The following COL25A1 variants were observed in gnomAD, a reference collection of about 807,000 sequenced individuals.
COL25A1 encodes collagen alpha-1(XXV) chain.
COL25A1 carries 103 observed loss-of-function variants against 128.4 expected under a neutral mutation model. The ratio of observed to expected loss-of-function variants is 0.80; its 90% confidence interval spans 0.68 to 0.94. The LOEUF (loss-of-function observed/expected upper bound fraction) is 0.94, where lower values mean the gene tolerates loss of function less well. Among genes scored for constraint, COL25A1 ranks in the 40% least tolerant of loss-of-function variants. COL25A1 has a pLI of 0.00. For synonymous variants in COL25A1, 279 were observed against 277.2 expected (o/e 1.01, Z -0.06); for missense variants, 745 against 840.0 (o/e 0.89, Z 1.40).
rs1472339842 is a variant in COL25A1, at chr4:109,291,125, T to G, written c.367+9458A>C. 3.9e-5 allele frequency among the ~76,000 whole-genome samples: 6 copies of G among 152,154 alleles called. No homozygotes were observed. In the South Asian group the frequency reaches 1.2e-3, roughly 31 times the overall value. ...CCTACCAGACAAGTGACGAAGGTGCTTCACTTAGCCAAACAACTGTCCACA... is the reference window on the plus strand; with the variant it reads ...CCTACCAGACAAGTGACGAAGGTGCGTCACTTAGCCAAACAACTGTCCACA... On this transcript the variant is annotated intron_variant, in intron 3 of 37. Transcript: ENST00000399132.
At chr4:109,167,893 C>G (rs1305245445) in intron 3 of COL25A1, among the ~76,000 whole-genome samples, 1 of 152,004 alleles carries the variant, frequency 6.6e-6, no homozygotes, top group Non-Finnish European at 1.5e-5. Context: ...GGAGGTGGGC[C>G]AATTAATGAT....
chr4:109,044,915 T>A (rs1760285507), intron 5 of COL25A1, among the ~76,000 whole-genome samples: 1 of 152,206 alleles, frequency 6.6e-6, no homozygotes, highest in Non-Finnish European at 1.5e-5. Context: ...AAGGAAAATA[T>A]ATACAGTTGA....
At chr4:108,978,630 T>C (rs866277376) in intron 6 of COL25A1, among the ~76,000 whole-genome samples, 12 of 152,336 alleles carry the variant, frequency 7.9e-5, no homozygotes, top group South Asian at 6.2e-4. Flanking sequence ...GAATTACAAA[T>C]TATTTTTCAA....
intron 5 of COL25A1, among the ~76,000 whole-genome samples, chr4:109,036,196 G>C (rs1220188806): frequency 2.6e-5 from 4 of 151,856 alleles, no homozygotes; most frequent in Non-Finnish European, 5.9e-5. Context: ...CAAAGTGCTG[G>C]GATTACAGGC....
At chr4:109,203,292 G>C (rs1241203869) in intron 3 of COL25A1, among the ~76,000 whole-genome samples, 1 of 152,114 alleles carries the variant, frequency 6.6e-6, no homozygotes, top group African/African-American at 2.4e-5. Flanking sequence ...AAACTAGAAT[G>C]ATTTCCAAAG....
rs115420725 is a variant in COL25A1, at chr4:108,918,834, T to G, written c.736-618A>C. Among the ~76,000 whole-genome samples, 266 of 152,302 alleles carry G rather than the reference T, an allele frequency of 1.7e-3. 2 individuals carry two copies. Among genetic ancestry groups the G allele is most frequent in the African/African-American group, 6.2e-3 (256 of 41,560 alleles). On this transcript the variant is annotated intron_variant, in intron 12 of 37. Coordinates refer to ENST00000399132, the MANE Select transcript of COL25A1 (RefSeq NM_198721.4). ...TGTGCAAAAAAAGTTAAGGTGTGTG[T>G]GTAAGCACGTGTGGGCGTGTGTGTG...
intron 6 of COL25A1, among the ~76,000 whole-genome samples, chr4:108,996,096 A>G (rs1343834265): frequency 6.6e-6 from 1 of 152,174 alleles, no homozygotes; most frequent in Non-Finnish European, 1.5e-5. Context: ...TCATAATGAC[A>G]AGATCAAATT....
At chr4:108,941,811 T>C (rs1019403031) in intron 8 of COL25A1, among the ~76,000 whole-genome samples, 1 of 152,190 alleles carries the variant, frequency 6.6e-6, no homozygotes, top group African/African-American at 2.4e-5. Context: ...TCCGTCAGAC[T>C]TGTCAACCAG....
chr4:109,295,572 T>A (rs1404393973), intron 3 of COL25A1, among the ~76,000 whole-genome samples: 2 of 152,116 alleles, frequency 1.3e-5, no homozygotes, highest in Non-Finnish European at 2.9e-5. Flanking sequence ...GATTGTGCAG[T>A]GTTAAGATAA....
chr4:108,847,358 CT>C (rs908904822), intron 27 of COL25A1, among the ~76,000 whole-genome samples: 1 of 151,968 alleles, frequency 6.6e-6, no homozygotes, highest in Non-Finnish European at 1.5e-5. Context: ...ACCTGTTTAT[CT>C]TTTTTTTATT....
intron 8 of COL25A1, among the ~76,000 whole-genome samples, chr4:108,964,060 T>C (rs563890789): frequency 5.3e-4 from 79 of 149,952 alleles, no homozygotes; most frequent in Non-Finnish European, 7.7e-4. Context: ...AATTAAATAA[T>C]GTGAATAATT....
rs1747604709 is a variant in COL25A1, at chr4:108,937,731, C to G, written c.708+77G>C. ...ATTATAGTCTGTCATATGACAGATA[C>G]ATTCATCACACATAATCTTGACCAT... is the stretch of plus-strand genomic sequence containing the variant. On this transcript the variant is annotated intron_variant, in intron 11 of 37. Transcript: ENST00000399132. The G allele has an allele frequency of 2.5e-6, 3 of 1,216,056 alleles. 1 individual carries two copies. The South Asian group carries it at 4.1e-5, about 17-fold the overall frequency. 75.3% of individuals were successfully genotyped at this position (1,216,056 alleles called of 1,614,324 possible). A position where few individuals can be genotyped will look rare whatever the true frequency, so the allele number is the denominator to read the frequency against.
At chr4:109,003,381 G>C (rs1254837266) in intron 6 of COL25A1, among the ~76,000 whole-genome samples, 1 of 152,130 alleles carries the variant, frequency 6.6e-6, no homozygotes, top group African/African-American at 2.4e-5. Context: ...TATATATAGG[G>C]GCTAAATAAT....
At chr4:109,076,515 C>A (rs1237632155) in intron 3 of COL25A1, among the ~76,000 whole-genome samples, 1 of 152,110 alleles carries the variant, frequency 6.6e-6, no homozygotes, top group East Asian at 1.9e-4. Flanking sequence ...ATCTGCTACA[C>A]TAGTAAGTAC....
chr4:108,886,492 G>GTGTGTGTGTGTTTTT (rs58157157), intron 18 of COL25A1, among the ~76,000 whole-genome samples: 1 of 109,246 alleles, frequency 9.2e-6, no homozygotes, highest in Admixed American at 9.0e-5. Flanking sequence ...GTGTGTGTGT[G>GTGTGTGTGTGTTTTT]TTTAGCTCAT....
intron 3 of COL25A1, among the ~76,000 whole-genome samples, chr4:109,115,603 T>A (rs1767463061): frequency 6.6e-6 from 1 of 151,976 alleles, no homozygotes; most frequent in Non-Finnish European, 1.5e-5. Context: ...TGGGCAAAGA[T>A]GATTAAAACC....
intron 11 of COL25A1, among the ~76,000 whole-genome samples, chr4:108,929,154 C>T (rs1374351171): frequency 1.3e-5 from 2 of 152,132 alleles, no homozygotes; most frequent in South Asian, 2.1e-4. Context: ...GACCAAGTCT[C>T]GCTCTGTCAC....
chr4:108,810,098 C>G lies in COL25A1; in HGVS notation c.*3829G>C, dbSNP rs80348237. 1.1e-4 allele frequency: 17 copies of G among 151,680 alleles called. 1 individual carries two copies. The East Asian group carries it at 3.3e-3, about 29-fold the overall frequency. 9.4% of individuals were successfully genotyped at this position (151,680 alleles called of 1,614,324 possible). A position where few individuals can be genotyped will look rare whatever the true frequency, so the allele number is the denominator to read the frequency against. On this transcript the variant is annotated 3_prime_UTR_variant, in exon 38 of 38. Coordinates refer to ENST00000399132, the MANE Select transcript of COL25A1 (RefSeq NM_198721.4). ...CTTATTAGAAGATGTTAAAACACCA[C>G]CAAAGTATAGCCCTACTCTGGGTAA...
rs371652986 is a variant in COL25A1 at position 108,890,546 on chromosome 4, G to C, written c.907-813C>G. The stretch of plus-strand genomic sequence containing the variant: ...AATAATATGGAGGGTAGCTGGGAAT[G>C]TTGCTTATTTCTGAAATGAAGTCAG... On this transcript the variant is annotated intron_variant, in intron 16 of 37. Coordinates refer to ENST00000399132, the MANE Select transcript of COL25A1 (RefSeq NM_198721.4). Among the ~76,000 whole-genome samples, 333 of 152,322 alleles carry C rather than the reference G, an allele frequency of 2.2e-3. 1 individual carries two copies. Among genetic ancestry groups the C allele is most frequent in the African/African-American group, 7.6e-3 (316 of 41,570 alleles).
Sources: gnomAD v4.1 joint callset for allele counts (sites outside exome capture counted in the v4.1 genomes callset) on GRCh38, gnomAD v4.1.1 for gene constraint, MANE v1.5 for transcripts, NCBI Gene and HGNC (gene_info 2026-07-23, HGNC 2026-07-21) for gene names.